LARP4B: variants seen among roughly 807,000 people sequenced by gnomAD.
LARP4B encodes the protein La ribonucleoprotein 4B.
A neutral mutation model predicts 89.8 loss-of-function variants in LARP4B; 12 were observed. That is an observed-to-expected ratio of 0.13 (90% confidence interval 0.09 to 0.22). The LOEUF (loss-of-function observed/expected upper bound fraction) is 0.22. Ranked by LOEUF, LARP4B falls within the 10% of genes least tolerant of loss-of-function variation. The pLI is 1.00. For missense variants in LARP4B, 757 were observed against 947.7 expected, an observed-to-expected ratio of 0.80 and a Z score of 2.64; for synonymous variants, 367 against 363.3, an observed-to-expected ratio of 1.01 and a Z score of -0.12.
chr10:920,607 C>T (rs1050519936), intron 1 of LARP4B, among the ~76,000 whole-genome samples: 2 of 151,972 alleles, frequency 1.3e-5, no homozygotes, highest in African/African-American at 4.8e-5. Flanking sequence ...AACCCTGTCT[C>T]TACTAAAACT....
the LARP4B span, among the ~76,000 whole-genome samples, chr10:982,095 TTTTTCTTTC>T: frequency 1.1e-5 from 1 of 89,264 alleles, no homozygotes; most frequent in African/African-American, 4.5e-5. Flanking sequence ...CTATAGCTTT[TTTTTCTTTC>T]TTTCTTTCTT....
chr10:947,423 T>C, the LARP4B span, among the ~76,000 whole-genome samples: 52 of 151,608 alleles, frequency 3.4e-4, no homozygotes, highest in East Asian at 8.0e-3. Context: ...CACAACCCCG[T>C]CCCAGGCAGT....
the LARP4B span, chr10:987,782 T>C: frequency 6.6e-6 from 1 of 152,452 alleles, no homozygotes; most frequent in African/African-American, 2.4e-5. Context: ...AACTGTTCCC[T>C]GGGCTCTCCT....
At chr10:833,347 C>T (rs948637723) in intron 8 of LARP4B, among the ~76,000 whole-genome samples, 3 of 145,058 alleles carry the variant, frequency 2.1e-5, no homozygotes, top group East Asian at 2.1e-4. Flanking sequence ...CCGTCCTGGG[C>T]GGCATGCCGC....
chr10:954,699 C>G, the LARP4B span, among the ~76,000 whole-genome samples: 3 of 152,128 alleles, frequency 2.0e-5, no homozygotes, highest in African/African-American at 7.2e-5. This position sits in a 1 kb window ranked among gnomAD's most constrained non-coding sequence, Gnocchi z 5.0. Context: ...CGGGCGCATT[C>G]GCTCACTGCT....
At chr10:983,883 A>G in the LARP4B span, among the ~76,000 whole-genome samples, 1 of 152,228 alleles carries the variant, frequency 6.6e-6, no homozygotes, top group Non-Finnish European at 1.5e-5. Context: ...GATAGTGAAT[A>G]CTATTATTTT....
At chr10:901,321 T>G (rs181164204) in intron 1 of LARP4B, among the ~76,000 whole-genome samples, 2 of 152,360 alleles carry the variant, frequency 1.3e-5, no homozygotes, top group Admixed American at 1.3e-4. Flanking sequence ...TCCTCATCCA[T>G]CTGCCTTGTG....
rs765563499 is a variant in LARP4B, at chr10:830,999, G to C, written c.751-22C>G. 3 of 925,402 alleles carry C rather than the reference G, an allele frequency of 3.2e-6. No individual in the cohort carries two copies. The Admixed American group carries it at 7.1e-5, about 22-fold the overall frequency. 57.3% of individuals were successfully genotyped at this position (925,402 alleles called of 1,614,324 possible). ...CTTCCTACAGGAAATAGAGATGTTA[G>C]AAATTAATTCTCAACAATGTCAGTT... On this transcript the variant is annotated intron_variant, in intron 8 of 17. Coordinates refer to ENST00000316157, the MANE Select transcript of LARP4B (RefSeq NM_015155.3).
chr10:892,508 T>A (rs868197779), intron 1 of LARP4B, among the ~76,000 whole-genome samples: 5 of 152,142 alleles, frequency 3.3e-5, no homozygotes, highest in South Asian at 2.1e-4. Context: ...ATATGTCAGG[T>A]TGGTGACATA....
At chr10:959,439 C>CCGT in the LARP4B span, among the ~76,000 whole-genome samples, 26 of 97,150 alleles carry the variant, frequency 2.7e-4, 3 homozygotes, top group South Asian at 1.9e-3. Context: ...ATCCACCTCC[C>CCGT]CATCAATCCA....
Position 820,854 on chromosome 10 carries a change from G to C in LARP4B, c.1485-9C>G, listed in dbSNP as rs1245936253. 6.2e-7 allele frequency: 1 copy of C among 1,612,500 alleles called. No homozygotes were observed. Among genetic ancestry groups the C allele is most frequent in the Non-Finnish European group, 8.5e-7 (1 of 1,179,408 alleles). On this transcript the variant is annotated splice_polypyrimidine_tract_variant and intron_variant, in intron 13 of 17. Transcript: ENST00000316157. ...AGCCAAAGGAATTCTTCCTAGAGGA[G>C]TGGAAAGTGAAAGACTGTTATTTTT... is the stretch of plus-strand genomic sequence containing the variant.
intron 1 of LARP4B, among the ~76,000 whole-genome samples, chr10:911,688 G>C (rs1836669135): frequency 6.6e-6 from 1 of 152,160 alleles, no homozygotes; most frequent in Non-Finnish European, 1.5e-5. Flanking sequence ...CCCCCTTCTG[G>C]AAGGGTCTTC....
At chr10:833,714 ACT>A (rs1201201666) in intron 8 of LARP4B, among the ~76,000 whole-genome samples, 1 of 152,070 alleles carries the variant, frequency 6.6e-6, no homozygotes, top group Non-Finnish European at 1.5e-5. Context: ...ACATTGTGAA[ACT>A]CTGTCTCTAC....
chr10:840,967 T>A (rs1376896647), intron 7 of LARP4B, among the ~76,000 whole-genome samples: 2 of 152,006 alleles, frequency 1.3e-5, no homozygotes, highest in Admixed American at 6.6e-5. Context: ...GCCCTGCCAA[T>A]GTGGTAAAAC....
intron 15 of LARP4B, among the ~76,000 whole-genome samples, chr10:816,509 TTTC>T (rs1258253847): frequency 2.6e-5 from 4 of 152,220 alleles, no homozygotes; most frequent in African/African-American, 9.6e-5. Context: ...GAAGCAATTC[TTTC>T]TTCAAGAGAA....
At chr10:830,122 G>A (rs866918917) in intron 9 of LARP4B, among the ~76,000 whole-genome samples, 4 of 152,146 alleles carry the variant, frequency 2.6e-5, no homozygotes, top group African/African-American at 9.7e-5. Context: ...AAAGGATTAG[G>A]ATCATAACAT....
At chr10:829,337 T>C (rs758436566) in intron 11 of LARP4B, 48 bp downstream of exon 11, 5 of 1,445,872 alleles carry the variant, frequency 3.5e-6, no homozygotes, top group Non-Finnish European at 2.8e-6. Context: ...CTTCAAATTA[T>C]CTAGCATAGT....
chr10:845,871 C>T (rs529193327), intron 5 of LARP4B, among the ~76,000 whole-genome samples: 1 of 152,280 alleles, frequency 6.6e-6, no homozygotes, highest in Admixed American at 6.5e-5. Context: ...AAGAGCCATG[C>T]TAACACAAGA....
chr10:934,825 C>G (rs1221915872), upstream of LARP4B, among the ~76,000 whole-genome samples: 2 of 152,192 alleles, frequency 1.3e-5, no homozygotes, highest in African/African-American at 4.8e-5. Context: ...TCCTTCTCCC[C>G]GTCCCCCCAG....
Sources: gnomAD v4.1 joint callset for allele counts (sites outside exome capture counted in the v4.1 genomes callset) on GRCh38, gnomAD v4.1.1 for gene constraint, Gnocchi (gnomAD v3.1) non-coding constraint, MANE v1.5 for transcripts, NCBI Gene and HGNC (gene_info 2026-07-23, HGNC 2026-07-21) for gene names.